EYS: variants seen among roughly 807,000 people sequenced by gnomAD.
The protein encoded by EYS is protein eyes shut homolog.
A neutral mutation model predicts 282.1 loss-of-function variants in EYS; 250 were observed. The ratio of observed to expected loss-of-function variants is 0.89; its 90% confidence interval spans 0.80 to 0.98. The LOEUF is 0.98. Ranked by LOEUF, EYS falls within the 50% of genes least tolerant of loss-of-function variation. The pLI is 0.00. For synonymous variants in EYS, 1,355 were observed against 1,282.9 expected (o/e 1.06, Z -1.20); for missense variants, 4,016 against 3,709.0 (o/e 1.08, Z -2.15).
At chr6:65,084,545 T>C (rs1176091969) in intron 12 of EYS, among the ~76,000 whole-genome samples, 1 of 152,154 alleles carries the variant, frequency 6.6e-6, no homozygotes, top group Admixed American at 6.6e-5. Context: ...GAGCTTATTT[T>C]GTCAAAACAT....
rs761273528 is a variant in EYS at position 65,005,502 on chromosome 6, G to A, written c.2138-7799C>T. On this transcript the variant is annotated intron_variant, in intron 13 of 42. Coordinates refer to ENST00000503581, the MANE Select transcript of EYS (RefSeq NM_001142800.2). ...AAGGACCACCCGGTAACATTTTGGC[G>A]ACCACGAAGGGACCTCCAAAGTGGT... 3.3e-4 allele frequency among the ~76,000 whole-genome samples: 49 copies of A among 147,302 alleles called. 3 individuals carry two copies. The highest frequency in any genetic ancestry group is 6.5e-4 in the Non-Finnish European group (43 of 65,798).
At chr6:64,743,577 TG>T (rs1772447082) in intron 22 of EYS, among the ~76,000 whole-genome samples, 1 of 152,168 alleles carries the variant, frequency 6.6e-6, no homozygotes, top group Admixed American at 6.6e-5. Flanking sequence ...TCAAAGTATC[TG>T]CAGTTATTTT....
intron 5 of EYS, chr6:65,489,212 T>C (rs1336353463): frequency 6.6e-6 from 1 of 151,918 alleles, no homozygotes; most frequent in African/African-American, 2.4e-5. Context: ...GGGAGAAAAA[T>C]TTTGCAATCT....
At chr6:64,954,833 G>A (rs1368886976) in intron 14 of EYS, among the ~76,000 whole-genome samples, 3 of 152,008 alleles carry the variant, frequency 2.0e-5, no homozygotes, top group Admixed American at 1.3e-4. Flanking sequence ...ACAAAAATCA[G>A]TAGTATTTCT....
chr6:64,140,834 A>G (rs1012398153), intron 31 of EYS, among the ~76,000 whole-genome samples: 4 of 152,128 alleles, frequency 2.6e-5, no homozygotes, highest in Admixed American at 2.6e-4. Context: ...CCTTGGCTAT[A>G]CAGTCCTAAA....
Position 63,721,103 on chromosome 6 carries a change from G to A in EYS, c.8928C>T (p.Asn2976=), listed in dbSNP as rs1298739470. 2 of 1,551,300 alleles carry A rather than the reference G, an allele frequency of 1.3e-6. No homozygotes were observed. Among genetic ancestry groups the A allele is most frequent in the Non-Finnish European group, 1.7e-6 (2 of 1,146,744 alleles). ...KYIDPNYRMR[N]LQFTTISLNF... is the part of the protein sequence containing the mutation. Reference sequence around the variant, plus strand: ...TTAAGGATATAGTAGTGAACTGGAGGTTTCTCATTCTATAATTTGGATCAA... The same window carrying A: ...TTAAGGATATAGTAGTGAACTGGAGATTTCTCATTCTATAATTTGGATCAA... Residue 2976 remains asparagine, a synonymous_variant, in exon 43 of 43, where the codon AAC becomes AAT. Transcript: ENST00000503581.
At chr6:65,389,344 T>C (rs1031011491) in intron 7 of EYS, among the ~76,000 whole-genome samples, 8 of 152,270 alleles carry the variant, frequency 5.3e-5, no homozygotes, top group East Asian at 3.9e-4. Context: ...CATGCATGGA[T>C]AGGGCCTGAA....
intron 12 of EYS, among the ~76,000 whole-genome samples, chr6:65,244,829 A>G (rs1024479133): frequency 6.6e-6 from 1 of 151,704 alleles, no homozygotes; most frequent in Non-Finnish European, 1.5e-5. Flanking sequence ...GCCCGAACTT[A>G]TTTCTACCAT....
At chr6:65,212,029 T>C (rs543164061) in intron 12 of EYS, among the ~76,000 whole-genome samples, 1 of 152,074 alleles carries the variant, frequency 6.6e-6, no homozygotes, top group South Asian at 2.1e-4. Context: ...TTGTGTTTAC[T>C]GTGAAGCAAG....
At chr6:64,083,940 G>A (rs1020590030) in intron 31 of EYS, among the ~76,000 whole-genome samples, 4 of 152,134 alleles carry the variant, frequency 2.6e-5, no homozygotes, top group African/African-American at 7.2e-5. Flanking sequence ...GTTTCACTAT[G>A]TTGGCCAGGC....
chr6:64,418,132 C>G (rs1774118247), intron 28 of EYS, among the ~76,000 whole-genome samples: 1 of 151,966 alleles, frequency 6.6e-6, no homozygotes, highest in Admixed American at 6.6e-5. Flanking sequence ...GTTCCCTACC[C>G]AACTCTTCCT....
chr6:65,049,337 T>G (rs955007553), intron 13 of EYS, among the ~76,000 whole-genome samples: 1 of 151,816 alleles, frequency 6.6e-6, no homozygotes, highest in Non-Finnish European at 1.5e-5. Context: ...CAGGTTCTTT[T>G]GCCTCTGCTC....
chr6:65,651,813 T>C (rs1767659325), intron 1 of EYS, among the ~76,000 whole-genome samples: 1 of 152,052 alleles, frequency 6.6e-6, no homozygotes, highest in Admixed American at 6.6e-5. Context: ...CCAGTCTCTT[T>C]AATCCAAGGT....
intron 26 of EYS, among the ~76,000 whole-genome samples, chr6:64,554,135 T>G (rs1473561189): frequency 6.6e-6 from 1 of 152,120 alleles, no homozygotes; most frequent in Non-Finnish European, 1.5e-5. Flanking sequence ...TGCTTAGTGC[T>G]TTTTTGCATC....
intron 26 of EYS, among the ~76,000 whole-genome samples, chr6:64,545,635 C>T (rs1205539634): frequency 1.3e-5 from 2 of 152,068 alleles, no homozygotes; most frequent in Non-Finnish European, 2.9e-5. Flanking sequence ...TCGTCTCAGC[C>T]CAAAATCTCC....
At chr6:64,920,545 G>A (rs896087136) in intron 15 of EYS, among the ~76,000 whole-genome samples, 1 of 151,940 alleles carries the variant, frequency 6.6e-6, no homozygotes, top group Non-Finnish European at 1.5e-5. Context: ...AAGTAAGTCT[G>A]CTTTTAAATA....
intron 2 of EYS, among the ~76,000 whole-genome samples, chr6:65,584,416 G>A (rs1764972823): frequency 6.6e-6 from 1 of 152,006 alleles, no homozygotes; most frequent in Non-Finnish European, 1.5e-5. Flanking sequence ...CCCTAGAACA[G>A]GCGGTATTTA....
At chr6:64,081,528 T>C (rs1771967572) in intron 32 of EYS, among the ~76,000 whole-genome samples, 1 of 152,196 alleles carries the variant, frequency 6.6e-6, no homozygotes, top group South Asian at 2.1e-4. Context: ...TGAATGTAAT[T>C]CATATTTAGT....
chr6:65,452,866 A>G (rs1469312642), intron 5 of EYS, among the ~76,000 whole-genome samples: 1 of 152,072 alleles, frequency 6.6e-6, no homozygotes, highest in Admixed American at 6.6e-5. Flanking sequence ...ATGAACAAAC[A>G]TCCATTGACC....
Sources: gnomAD v4.1 joint callset for allele counts (sites outside exome capture counted in the v4.1 genomes callset) on GRCh38, gnomAD v4.1.1 for gene constraint, MANE v1.5 for transcripts, NCBI Gene and HGNC (gene_info 2026-07-23, HGNC 2026-07-21) for gene names.